The following CDH17 variants were observed in gnomAD, a reference collection of about 807,000 sequenced individuals.
CDH17 encodes the protein cadherin-17.
A neutral mutation model predicts 86.3 loss-of-function variants in CDH17; 67 were observed. That is an observed-to-expected ratio of 0.78 (90% confidence interval 0.64 to 0.95). The LOEUF (loss-of-function observed/expected upper bound fraction) is 0.95. Among genes scored for constraint, CDH17 ranks in the 40% least tolerant of loss-of-function variants. CDH17 has a pLI of 0.00. For missense variants in CDH17, 993 were observed against 1,017.6 expected, an observed-to-expected ratio of 0.98 and a Z score of 0.33; for synonymous variants, 367 against 366.4, an observed-to-expected ratio of 1.00 and a Z score of -0.02.
At chr8:94,160,297 A>G (rs1813027295) in intron 11 of CDH17, 135 bp from the exon 12 acceptor site, 2 of 625,048 alleles carry the variant, frequency 3.2e-6, no homozygotes, top group Admixed American at 3.2e-5. Context: ...GTTTTTTCCT[A>G]TTGATGAATA....
At chr8:94,137,617 A>C (rs935082743) in intron 15 of CDH17, among the ~76,000 whole-genome samples, 1 of 152,156 alleles carries the variant, frequency 6.6e-6, no homozygotes, top group Admixed American at 6.6e-5. Context: ...CACCCCACCC[A>C]GTTCAGAGCC....
intron 15 of CDH17, among the ~76,000 whole-genome samples, chr8:94,145,432 A>G (rs913786469): frequency 9.2e-5 from 14 of 152,218 alleles, no homozygotes; most frequent in African/African-American, 3.4e-4. Flanking sequence ...AAACTATAGT[A>G]ATGGAAAGCA....
intron 4 of CDH17, 24 bp downstream of exon 4, chr8:94,177,563 T>A (rs941896827): frequency 5.6e-6 from 9 of 1,612,950 alleles, no homozygotes; most frequent in Non-Finnish European, 7.6e-6. Flanking sequence ...TGGAGTTAGA[T>A]CCCTTCAGCT....
chr8:94,142,561 A>G (rs991636449), intron 15 of CDH17, among the ~76,000 whole-genome samples: 9 of 152,242 alleles, frequency 5.9e-5, no homozygotes, highest in African/African-American at 1.9e-4. Context: ...AGCCCTCTGT[A>G]TAGCATGTGA....
chr8:94,200,852 T>C (rs1813898073), intron 1 of CDH17, among the ~76,000 whole-genome samples: 1 of 152,162 alleles, frequency 6.6e-6, no homozygotes, highest in Non-Finnish European at 1.5e-5. Context: ...CATGCACCGA[T>C]AAGACTTGGT....
At chr8:94,212,122 A>C (rs1410234777), upstream of CDH17, among the ~76,000 whole-genome samples, 2 of 152,232 alleles carry the variant, frequency 1.3e-5, no homozygotes, top group Non-Finnish European at 2.9e-5. Context: ...TTTCTGATAA[A>C]TTTAAGCAAA....
intron 7 of CDH17, among the ~76,000 whole-genome samples, chr8:94,172,071 G>A (rs1813281359): frequency 7.0e-6 from 1 of 143,200 alleles, no homozygotes; most frequent in Non-Finnish European, 1.5e-5. Flanking sequence ...TCTCCTTTTG[G>A]GTTTCAGAAC....
chr8:94,205,894 C>T (rs1006113504), intron 1 of CDH17, among the ~76,000 whole-genome samples: 1 of 152,176 alleles, frequency 6.6e-6, no homozygotes, highest in African/African-American at 2.4e-5. Flanking sequence ...CACCAAGCCA[C>T]TCTGCTAGAT....
chr8:94,133,141 G>A (rs533212693), intron 15 of CDH17, among the ~76,000 whole-genome samples: 243 of 152,248 alleles, frequency 1.6e-3, no homozygotes, highest in Non-Finnish European at 2.0e-3. Context: ...GATTGTCTTG[G>A]CAATGCGGGC....
At chr8:94,165,185 C>T (rs1183411369) in intron 10 of CDH17, among the ~76,000 whole-genome samples, 1 of 152,216 alleles carries the variant, frequency 6.6e-6, no homozygotes, top group South Asian at 2.1e-4. Flanking sequence ...AGCTCCACTG[C>T]TGTGCTCTGG....
chr8:94,192,694 A>C (rs1310295603), intron 2 of CDH17, among the ~76,000 whole-genome samples: 1 of 152,142 alleles, frequency 6.6e-6, no homozygotes, highest in African/African-American at 2.4e-5. Flanking sequence ...TACCAAACTC[A>C]TCTTCCTTCT....
At chr8:94,131,714 C>T (rs7016541) in intron 15 of CDH17, among the ~76,000 whole-genome samples, 3,405 of 151,604 alleles carry the variant, frequency 0.022, 124 homozygotes, top group African/African-American at 0.079. Context: ...GCACATGTAC[C>T]CTAGAACTTA....
At chr8:94,161,870 G>C (rs1167742237) in intron 11 of CDH17, among the ~76,000 whole-genome samples, 4 of 152,176 alleles carry the variant, frequency 2.6e-5, no homozygotes, top group Admixed American at 2.6e-4. Flanking sequence ...ATTGGCAGGA[G>C]TTTATAAATG....
intron 3 of CDH17, among the ~76,000 whole-genome samples, chr8:94,182,692 A>G (rs1788580589): frequency 6.6e-6 from 1 of 152,104 alleles, no homozygotes. Flanking sequence ...CTTTCTCCAT[A>G]AGATCAGAAA....
intron 3 of CDH17, among the ~76,000 whole-genome samples, chr8:94,180,731 T>G (rs1008083521): frequency 1.3e-5 from 2 of 151,844 alleles, no homozygotes; most frequent in Non-Finnish European, 2.9e-5. Flanking sequence ...CCATCTCTAC[T>G]AAAAACACAA....
intron 3 of CDH17, among the ~76,000 whole-genome samples, chr8:94,182,242 C>G (rs1372567599): frequency 6.6e-6 from 1 of 152,052 alleles, no homozygotes; most frequent in African/African-American, 2.4e-5. Context: ...TCTTCCAAAA[C>G]TAGAAGAGTA....
intron 1 of CDH17, among the ~76,000 whole-genome samples, chr8:94,197,753 C>T (rs886245134): frequency 1.3e-5 from 2 of 150,776 alleles, no homozygotes; most frequent in Non-Finnish European, 1.5e-5. Context: ...ATTGCTTGAA[C>T]CTGGAAGGCA....
intron 3 of CDH17, among the ~76,000 whole-genome samples, chr8:94,188,116 T>C (rs1813617201): frequency 6.6e-6 from 1 of 152,154 alleles, no homozygotes; most frequent in African/African-American, 2.4e-5. Flanking sequence ...CCCACGCAGA[T>C]ACCAAAATCC....
chr8:94,211,541 G>A (rs145796344), upstream of CDH17, among the ~76,000 whole-genome samples: 1,874 of 152,274 alleles, frequency 0.012, 36 homozygotes, highest in African/African-American at 0.043. Flanking sequence ...TTGAGCTCCT[G>A]ACCTCAGGTG....
Sources: gnomAD v4.1 joint callset for allele counts (sites outside exome capture counted in the v4.1 genomes callset) on GRCh38, gnomAD v4.1.1 for gene constraint, MANE v1.5 for transcripts, NCBI Gene and HGNC (gene_info 2026-07-23, HGNC 2026-07-21) for gene names.